MRC1: variants seen among roughly 807,000 people sequenced by gnomAD.
The protein encoded by MRC1 is mannose receptor C-type 1, also known as macrophage mannose receptor 1.
In MRC1, 62 loss-of-function variants were observed where a neutral mutation model predicts 102.9. The ratio of observed to expected loss-of-function variants is 0.60; its 90% CI spans 0.49 to 0.74. The LOEUF (loss-of-function observed/expected upper bound fraction) is 0.74, where lower values mean the gene tolerates loss of function less well. Ranked by LOEUF, MRC1 falls within the 30% of genes least tolerant of loss-of-function variation. The pLI is 0.00. For missense variants in MRC1, 1,237 were observed against 862.8 expected, an observed-to-expected ratio of 1.43 and a Z score of -5.43; for synonymous variants, 457 against 298.4, an observed-to-expected ratio of 1.53 and a Z score of -5.48.
At chr10:17,872,557 T>C (rs1833368987) in intron 15 of MRC1, among the ~76,000 whole-genome samples, 1 of 152,242 alleles carries the variant, frequency 6.6e-6, no homozygotes, top group South Asian at 2.1e-4. Context: ...CTCAGATAAA[T>C]GTTCCACACA....
chr10:17,905,052 A>G (rs935672606), intron 26 of MRC1, among the ~76,000 whole-genome samples: 2 of 152,242 alleles, frequency 1.3e-5, no homozygotes, highest in Middle Eastern at 3.2e-3. Context: ...CAGGTCAAAT[A>G]AAGACAAGCT....
chr10:17,821,428 A>G (rs562511123), intron 1 of MRC1, among the ~76,000 whole-genome samples: 9 of 152,298 alleles, frequency 5.9e-5, no homozygotes, highest in African/African-American at 2.2e-4. Context: ...GCAGTGGTTA[A>G]TTTTATGTGT....
intron 28 of MRC1, among the ~76,000 whole-genome samples, 180 bp downstream of exon 28, chr10:17,907,878 A>G (rs1833917223): frequency 6.6e-6 from 1 of 152,192 alleles, no homozygotes; most frequent in African/African-American, 2.4e-5. Flanking sequence ...CGTGAGTGAG[A>G]GACACTCTCT....
At chr10:17,829,736 T>A (rs1255365668) in intron 3 of MRC1, among the ~76,000 whole-genome samples, 4 of 151,442 alleles carry the variant, frequency 2.6e-5, no homozygotes, top group African/African-American at 9.8e-5. Context: ...ATTTCATGGG[T>A]CCAACTATAG....
At position 17,827,447 on chromosome 10, in the gene MRC1, C is replaced by T. The variant is rs199646698; in HGVS notation, c.464-95C>T. Reference sequence around the variant, plus strand: ...GTGGGTGCATCAAGTGTAATCAGAACAGTAAGACCAATTCCTTCAGTAGGC... The same window carrying T: ...GTGGGTGCATCAAGTGTAATCAGAATAGTAAGACCAATTCCTTCAGTAGGC... On this transcript the variant is annotated intron_variant, in intron 2 of 29. Coordinates refer to ENST00000569591, the MANE Select transcript of MRC1 (RefSeq NM_002438.4). 7 of 516,800 alleles carry T rather than the reference C, an allele frequency of 1.4e-5. 1 individual carries two copies. The highest frequency in any genetic ancestry group is 4.9e-5 in the East Asian group (1 of 20,596). The allele number at this position is 516,800 out of a possible 1,614,324, so 32.0% of individuals were successfully genotyped here.
At chr10:17,864,449 T>G (rs1239487726) in intron 11 of MRC1, among the ~76,000 whole-genome samples, 1 of 151,350 alleles carries the variant, frequency 6.6e-6, no homozygotes, top group Non-Finnish European at 1.5e-5. Context: ...ATCTTCCATG[T>G]GCTACCATGT....
chr10:17,829,123 A>C (rs1264697864), intron 3 of MRC1, among the ~76,000 whole-genome samples: 2 of 151,496 alleles, frequency 1.3e-5, no homozygotes, highest in Non-Finnish European at 2.9e-5. Context: ...TGGGCAGAGC[A>C]AAGAGCATTC....
At chr10:17,897,277 T>C (rs956184605) in intron 23 of MRC1, among the ~76,000 whole-genome samples, 5 of 151,900 alleles carry the variant, frequency 3.3e-5, no homozygotes, top group African/African-American at 4.8e-5. Flanking sequence ...CTTTTGGGAG[T>C]CTTGACATGA....
chr10:17,822,193 GTTATTT>G (rs1260301475), intron 1 of MRC1, among the ~76,000 whole-genome samples: 1 of 152,106 alleles, frequency 6.6e-6, no homozygotes, highest in Non-Finnish European at 1.5e-5. Flanking sequence ...TATAAAAAAT[GTTATTT>G]TTAAAGTTAT....
chr10:17,873,762 C>A, intron 15 of MRC1, 22 bp from the exon 16 acceptor site: 1 of 871,930 alleles, frequency 1.1e-6, no homozygotes, highest in East Asian at 2.4e-5. Flanking sequence ...CACTTTATTT[C>A]TATTTTTCTC....
chr10:17,843,283 C>T (rs1838777361), intron 5 of MRC1, among the ~76,000 whole-genome samples: 1 of 152,120 alleles, frequency 6.6e-6, no homozygotes, highest in Admixed American at 6.5e-5. Flanking sequence ...GTTCAGTTAT[C>T]CTGTTATTTT....
Position 17,877,962 on chromosome 10 carries a change from G to C in MRC1, c.2613G>C (p.Lys871Asn). The C allele has an allele frequency of 1.1e-6, 1 of 872,144 alleles. No individual in the cohort carries two copies. The allele number at this position is 872,144 out of a possible 1,614,324, so 54.0% of individuals were successfully genotyped here. Residue 871 changes from lysine (K) to asparagine (N), a missense_variant, in exon 18 of 30, where the codon AAG becomes AAC. Transcript: ENST00000569591. Reference protein sequence around the residue: ...FIGLLISLDKKFAWMDGSKVD... With the variant: ...FIGLLISLDKNFAWMDGSKVD... ...GTTTATTGATCAGCTTGGATAAAAA[G>C]TTTGCGTAAGTAAATCAAGCTAAAA...
rs972809456 is a variant in MRC1, at chr10:17,894,719, T to C, written c.3250+407T>C. On this transcript the variant is annotated intron_variant, in intron 23 of 29. Transcript: ENST00000569591. The stretch of plus-strand genomic sequence containing the variant: ...TGACCTCACTTTTATTTTATTTTAT[T>C]TTACTTTAAGTTCCAGGATACATGT... 3.9e-3 allele frequency among the ~76,000 whole-genome samples: 594 copies of C among 152,134 alleles called. 6 individuals are homozygous for C. The highest frequency in any genetic ancestry group is 0.016 in the Admixed American group (248 of 15,270).
chr10:17,868,312 A>C (rs1833306948), intron 12 of MRC1, among the ~76,000 whole-genome samples: 1 of 152,156 alleles, frequency 6.6e-6, no homozygotes, highest in Admixed American at 6.5e-5. Context: ...AGGAAATTAC[A>C]ATCATGGTGG....
chr10:17,856,826 C>G (rs909748610), intron 9 of MRC1, among the ~76,000 whole-genome samples: 4 of 152,218 alleles, frequency 2.6e-5, no homozygotes, highest in African/African-American at 9.6e-5. Flanking sequence ...GATGAGGCAT[C>G]TCCTGGAGAG....
chr10:17,908,983 T>C (rs1275666520), intron 28 of MRC1, among the ~76,000 whole-genome samples: 2 of 152,182 alleles, frequency 1.3e-5, no homozygotes, highest in African/African-American at 4.8e-5. Context: ...GGGTAGGTTT[T>C]AAGGGTGAGT....
intron 22 of MRC1, among the ~76,000 whole-genome samples, chr10:17,890,462 T>G (rs1030432657): frequency 0.053 from 8,059 of 152,268 alleles, 272 homozygotes; most frequent in South Asian, 0.081. Flanking sequence ...CTATCAGAGA[T>G]AGTCTTCATT....
intron 26 of MRC1, among the ~76,000 whole-genome samples, chr10:17,904,918 C>T (rs1028178514): frequency 1.1e-3 from 171 of 152,264 alleles, no homozygotes; most frequent in African/African-American, 3.6e-3. Context: ...TTTTTCAATT[C>T]GCTAGTTGTT....
At chr10:17,899,939 A>C (rs1171079968) in intron 24 of MRC1, among the ~76,000 whole-genome samples, 1 of 151,932 alleles carries the variant, frequency 6.6e-6, no homozygotes, top group Non-Finnish European at 1.5e-5. Flanking sequence ...TCTCTACTAA[A>C]AAATACAAAA....
Sources: allele counts gnomAD v4.1 joint callset (sites outside exome capture counted in the v4.1 genomes callset), GRCh38; gene constraint gnomAD v4.1.1; transcripts MANE v1.5; gene names NCBI Gene and HGNC (gene_info 2026-07-23, HGNC 2026-07-21).